L3MBTL4: variants seen among roughly 807,000 people sequenced by gnomAD.
L3MBTL4 encodes the protein lethal(3)malignant brain tumor-like protein 4.
A neutral mutation model predicts 84.5 loss-of-function variants in L3MBTL4; 70 were observed. The ratio of observed to expected loss-of-function variants is 0.83; its 90% CI spans 0.68 to 1.01. L3MBTL4 has a LOEUF of 1.01. Among genes scored for constraint, L3MBTL4 ranks in the 50% least tolerant of loss-of-function variants. L3MBTL4 has a pLI of 0.00. For missense variants in L3MBTL4, 715 were observed against 754.8 expected (o/e 0.95, Z 0.62); for synonymous variants, 274 against 259.8 (o/e 1.05, Z -0.52).
At chr18:6,375,164 C>T (rs2054314591) in intron 1 of L3MBTL4, among the ~76,000 whole-genome samples, 1 of 152,124 alleles carries the variant, frequency 6.6e-6, no homozygotes, top group Non-Finnish European at 1.5e-5. Context: ...ATCACTGCAT[C>T]TGCCCCAGTC....
chr18:6,266,877 C>A (rs922214998), intron 4 of L3MBTL4, among the ~76,000 whole-genome samples: 5 of 151,928 alleles, frequency 3.3e-5, no homozygotes, highest in African/African-American at 4.8e-5. Context: ...GAGTGAAGAT[C>A]GTGCCATTGC....
At chr18:6,347,745 T>C (rs891901531) in intron 1 of L3MBTL4, among the ~76,000 whole-genome samples, 1 of 151,976 alleles carries the variant, frequency 6.6e-6, no homozygotes, top group East Asian at 1.9e-4. Context: ...GCTTTTCTTC[T>C]GAGTTGGAAA....
intron 18 of L3MBTL4, among the ~76,000 whole-genome samples, chr18:5,958,151 GAAGAAGA>G (rs2095243376): frequency 4.5e-5 from 3 of 66,658 alleles, no homozygotes; most frequent in African/African-American, 1.7e-4. Flanking sequence ...AGAAGAAGAA[GAAGAAGA>G]ACAAGAAGAA....
intron 16 of L3MBTL4, among the ~76,000 whole-genome samples, chr18:5,995,742 G>C (rs1055269834): frequency 2.0e-5 from 3 of 152,172 alleles, no homozygotes; most frequent in Admixed American, 6.5e-5. Flanking sequence ...GCAGGAAAAT[G>C]TTACCCTAAG....
chr18:6,312,646 T>C (rs1376713609), intron 1 of L3MBTL4, among the ~76,000 whole-genome samples: 1 of 152,196 alleles, frequency 6.6e-6, no homozygotes, highest in Admixed American at 6.5e-5. Flanking sequence ...CATCTTTTTC[T>C]CATTCAAACA....
chr18:6,370,350 T>C (rs139672708), intron 1 of L3MBTL4, among the ~76,000 whole-genome samples: 4 of 152,274 alleles, frequency 2.6e-5, no homozygotes, highest in Admixed American at 6.5e-5. Context: ...AAAAATTACA[T>C]ACAATCAAAT....
intron 5 of L3MBTL4, among the ~76,000 whole-genome samples, chr18:6,247,707 C>A (rs1002565545): frequency 1.4e-5 from 2 of 146,978 alleles, no homozygotes; most frequent in Non-Finnish European, 3.0e-5. Flanking sequence ...GTTGGCCAGG[C>A]TAGTCTAGAA....
At chr18:6,269,412 G>T (rs574355617) in intron 4 of L3MBTL4, among the ~76,000 whole-genome samples, 10 of 151,992 alleles carry the variant, frequency 6.6e-5, no homozygotes, top group Admixed American at 1.3e-4. Context: ...AGCCAAGATC[G>T]CACCACTACA....
rs191317517 is a variant in L3MBTL4, at chr18:6,278,442, C to T, written c.128-14404G>A. Among the ~76,000 whole-genome samples the T allele has an allele frequency of 3.3e-3, 504 of 152,226 alleles. 1 individual carries two copies. The highest frequency in any genetic ancestry group is 0.014 in the Middle Eastern group (4 of 294). On this transcript the variant is annotated intron_variant, in intron 4 of 18. Transcript: ENST00000317931. ...TTTTACATTACTCATCATTATACCTCCTTAGTAATATACCAGGATATCATT... is the reference window on the plus strand; with the variant it reads ...TTTTACATTACTCATCATTATACCTTCTTAGTAATATACCAGGATATCATT...
chr18:6,225,715 G>A (rs557741712), intron 10 of L3MBTL4, among the ~76,000 whole-genome samples: 27 of 149,582 alleles, frequency 1.8e-4, no homozygotes, highest in African/African-American at 5.7e-4. Context: ...AGCCAAGGTC[G>A]TGCCACTGCA....
intron 14 of L3MBTL4, among the ~76,000 whole-genome samples, chr18:6,128,593 T>C (rs185491549): frequency 2.7e-4 from 41 of 152,250 alleles, no homozygotes; most frequent in Non-Finnish European, 4.4e-5. Context: ...TAACATGGAA[T>C]GATGCCTTCA....
At chr18:6,167,358 G>A (rs1752408433) in intron 13 of L3MBTL4, among the ~76,000 whole-genome samples, 1 of 152,136 alleles carries the variant, frequency 6.6e-6, no homozygotes, top group Admixed American at 6.5e-5. Flanking sequence ...ACCAAAGCCT[G>A]GCAGAGACAC....
At chr18:6,281,577 T>C (rs1387052644) in intron 4 of L3MBTL4, among the ~76,000 whole-genome samples, 1 of 152,254 alleles carries the variant, frequency 6.6e-6, no homozygotes, top group African/African-American at 2.4e-5. Context: ...GCCATAAATG[T>C]GCCACTGATT....
At chr18:6,129,366 C>CTG (rs761956097) in intron 14 of L3MBTL4, among the ~76,000 whole-genome samples, 16,038 of 138,392 alleles carry the variant, frequency 0.12, 1,049 homozygotes, top group East Asian at 0.22. Flanking sequence ...CTGGAATTCT[C>CTG]TCTGTGTGTG....
intron 16 of L3MBTL4, among the ~76,000 whole-genome samples, chr18:6,060,337 A>T (rs1177582058): frequency 1.3e-5 from 2 of 151,646 alleles, no homozygotes; most frequent in Non-Finnish European, 2.9e-5. Flanking sequence ...AAACGCATTC[A>T]GGTACACCAA....
intron 13 of L3MBTL4, among the ~76,000 whole-genome samples, chr18:6,144,132 C>T (rs1444651044): frequency 1.4e-5 from 2 of 138,056 alleles, no homozygotes; most frequent in Non-Finnish European, 3.0e-5. Context: ...GAAGGTGGAG[C>T]TTGCAGTGAG....
chr18:6,093,677 T>G, intron 14 of L3MBTL4, 149 bp from the exon 15 acceptor site: 1 of 609,114 alleles, frequency 1.6e-6, no homozygotes, highest in Non-Finnish European at 2.5e-6. Flanking sequence ...TAGTTTCTTT[T>G]CATATTGCCT....
intron 1 of L3MBTL4, among the ~76,000 whole-genome samples, chr18:6,343,430 G>A (rs1314671587): frequency 2.0e-5 from 3 of 152,106 alleles, no homozygotes; most frequent in East Asian, 1.9e-4. Context: ...CTGGGAGGCC[G>A]AGGCGGGCAG....
chr18:6,169,243 A>T (rs2043841744), intron 13 of L3MBTL4, among the ~76,000 whole-genome samples: 2 of 152,354 alleles, frequency 1.3e-5, no homozygotes, highest in Non-Finnish European at 2.9e-5. Context: ...ACTGTAAACT[A>T]GTTCAACCAT....
Sources: allele counts gnomAD v4.1 joint callset (sites outside exome capture counted in the v4.1 genomes callset), GRCh38; gene constraint gnomAD v4.1.1; transcripts MANE v1.5; gene names NCBI Gene and HGNC (gene_info 2026-07-23, HGNC 2026-07-21).